The following KCNG3 variants were observed in gnomAD, a reference collection of about 807,000 sequenced individuals.
The protein encoded by KCNG3 is potassium voltage-gated channel modifier subfamily G member 3.
In KCNG3, 15 loss-of-function variants were observed where a neutral mutation model predicts 29.0. The ratio of observed to expected loss-of-function variants is 0.52; its 90% confidence interval spans 0.35 to 0.80. The LOEUF is 0.80. Among genes scored for constraint, KCNG3 ranks in the 30% least tolerant of loss-of-function variants. The pLI, the probability that KCNG3 is intolerant of heterozygous loss-of-function variation, is 0.01. For missense variants in KCNG3, 512 were observed against 605.7 expected (o/e 0.85, Z 1.62); for synonymous variants, 322 against 248.9 (o/e 1.29, Z -2.76).
chr2:42,476,631 C>A (rs961123809), intron 1 of KCNG3, among the ~76,000 whole-genome samples: 1 of 151,550 alleles, frequency 6.6e-6, no homozygotes, highest in Non-Finnish European at 1.5e-5. Context: ...GGGTTATAGG[C>A]GCACACCACC....
the KCNG3 span, among the ~76,000 whole-genome samples, chr2:42,393,020 C>T: frequency 2.0e-5 from 3 of 152,004 alleles, no homozygotes; most frequent in African/African-American, 7.2e-5. Context: ...TTTACAAACA[C>T]AAATTGTTAT....
At chr2:42,484,958 A>C (rs946467726) in intron 1 of KCNG3, among the ~76,000 whole-genome samples, 1 of 152,230 alleles carries the variant, frequency 6.6e-6, no homozygotes, top group Non-Finnish European at 1.5e-5. Flanking sequence ...TTATCTGCAC[A>C]GTAAAAGCAC....
intron 1 of KCNG3, chr2:42,470,143 T>C: frequency 2.3e-6 from 1 of 433,276 alleles, no homozygotes; most frequent in Non-Finnish European, 4.4e-6. Flanking sequence ...ATAAGGATGC[T>C]AAATTCTGTC....
At chr2:42,436,445 T>A in the KCNG3 span, among the ~76,000 whole-genome samples, 1 of 152,252 alleles carries the variant, frequency 6.6e-6, no homozygotes, top group African/African-American at 2.4e-5. Flanking sequence ...TTTAGTTCCA[T>A]TTTTAAACTT....
intron 1 of KCNG3, among the ~76,000 whole-genome samples, chr2:42,485,002 T>C (rs1414176522): frequency 2.0e-5 from 3 of 152,256 alleles, no homozygotes; most frequent in African/African-American, 4.8e-5. Context: ...AATACTGCTT[T>C]TTATTTTTAA....
the KCNG3 span, among the ~76,000 whole-genome samples, chr2:42,434,895 T>C: frequency 1.3e-4 from 20 of 152,096 alleles, no homozygotes. Context: ...CAACTGGATA[T>C]CTACATGCAA....
the KCNG3 span, among the ~76,000 whole-genome samples, chr2:42,403,477 G>GTTTTTTTTTTTTTTT: frequency 1.1e-5 from 1 of 87,762 alleles, no homozygotes; most frequent in African/African-American, 4.6e-5. Flanking sequence ...TTTCTTTTCT[G>GTTTTTTTTTTTTTTT]TTTTTTTTTT....
chr2:42,407,432 A>G, the KCNG3 span, among the ~76,000 whole-genome samples: 5 of 152,198 alleles, frequency 3.3e-5, no homozygotes, highest in African/African-American at 1.2e-4. Flanking sequence ...TGATGGCAAC[A>G]GCAGCCTGTC....
the KCNG3 span, among the ~76,000 whole-genome samples, chr2:42,428,321 A>G: frequency 6.6e-6 from 1 of 151,682 alleles, no homozygotes; most frequent in African/African-American, 2.4e-5. Context: ...TTAGCCAGAC[A>G]ATAGTGGTGC....
chr2:42,448,184 G>C (rs17626591), intron 1 of KCNG3, among the ~76,000 whole-genome samples: 8,447 of 152,162 alleles, frequency 0.056, 264 homozygotes, highest in Middle Eastern at 0.1. Flanking sequence ...GCTTTAATCT[G>C]CTCAGAAACA....
In KCNG3 at chr2:42,493,460, G is replaced by A; in HGVS notation, c.42C>T (p.Asn14=). ...GRSGAASVVL[N]VGGARYSLSR... is the part of the protein sequence containing the mutation. ...ACAGCGAATACCGGGCGCCGCCCAC[G>A]TTCAGCACCACCGAGGCCGCCCCGC... Residue 14 remains asparagine, a synonymous_variant, in exon 1 of 2, where the codon AAC becomes AAT. Coordinates refer to ENST00000306078, the MANE Select transcript of KCNG3 (RefSeq NM_133329.6). 5 of 1,459,672 alleles carry A rather than the reference G, an allele frequency of 3.4e-6. No individual in the cohort carries two copies. The highest frequency in any genetic ancestry group is 4.5e-6 in the Non-Finnish European group (5 of 1,114,048). The allele number at this position is 1,459,672 out of a possible 1,614,324, so 90.4% of individuals were successfully genotyped here.
intron 1 of KCNG3, among the ~76,000 whole-genome samples, chr2:42,465,739 A>G (rs1204641367): frequency 6.6e-6 from 1 of 152,228 alleles, no homozygotes; most frequent in Non-Finnish European, 1.5e-5. Flanking sequence ...TATCTGACAA[A>G]GGACTAGTAT....
At chr2:42,464,923 A>G (rs969660040) in intron 1 of KCNG3, among the ~76,000 whole-genome samples, 3 of 152,060 alleles carry the variant, frequency 2.0e-5, no homozygotes, top group African/African-American at 7.3e-5. Context: ...AACAAACAAA[A>G]AACACTATAT....
chr2:42,407,287 C>T, the KCNG3 span, among the ~76,000 whole-genome samples: 5 of 152,014 alleles, frequency 3.3e-5, no homozygotes, highest in East Asian at 9.7e-4. Context: ...GCAATCCTCC[C>T]ACCTCAGCCT....
At chr2:42,402,083 G>A in the KCNG3 span, among the ~76,000 whole-genome samples, 1 of 152,170 alleles carries the variant, frequency 6.6e-6, no homozygotes, top group Non-Finnish European at 1.5e-5. Context: ...CCTCATTCAT[G>A]GGGATGGGCA....
chr2:42,491,425 C>T (rs983342309), intron 1 of KCNG3, among the ~76,000 whole-genome samples: 6 of 151,934 alleles, frequency 3.9e-5, no homozygotes, highest in African/African-American at 1.5e-4. Context: ...TAATGTAGCT[C>T]AAACCTTCAC....
the KCNG3 span, among the ~76,000 whole-genome samples, chr2:42,411,844 G>A: frequency 1.3e-5 from 2 of 152,100 alleles, 1 homozygote; most frequent in East Asian, 3.8e-4. Flanking sequence ...CCATCAATTG[G>A]TACTTGACCT....
chr2:42,466,005 C>A (rs1572852477), intron 1 of KCNG3, among the ~76,000 whole-genome samples: 1 of 152,148 alleles, frequency 6.6e-6, no homozygotes, highest in Admixed American at 6.5e-5. Context: ...CAGTCATACA[C>A]CACATAATGA....
Position 42,442,843 on chromosome 2 carries a change from A to G in KCNG3, c.*1091T>C, listed in dbSNP as rs910837119. The G allele has an allele frequency of 6.6e-6, 1 of 152,182 alleles. No individual in the cohort carries two copies. Among genetic ancestry groups the G allele is most frequent in the Non-Finnish European group, 1.5e-5 (1 of 68,012 alleles). 9.4% of individuals were successfully genotyped at this position (152,182 alleles called of 1,614,324 possible). ...GAGTTTTGGTGTAGCTGTGATTCACAATAGTTAAAGATCAGATCAAATCAT... is the reference window on the plus strand; with the variant it reads ...GAGTTTTGGTGTAGCTGTGATTCACGATAGTTAAAGATCAGATCAAATCAT... On this transcript the variant is annotated 3_prime_UTR_variant, in exon 2 of 2. Coordinates refer to ENST00000306078, the MANE Select transcript of KCNG3 (RefSeq NM_133329.6).
Sources: gnomAD v4.1 joint callset for allele counts (sites outside exome capture counted in the v4.1 genomes callset) on GRCh38, gnomAD v4.1.1 for gene constraint, MANE v1.5 for transcripts, NCBI Gene and HGNC (gene_info 2026-07-23, HGNC 2026-07-21) for gene names.